The following IMMP2L variants were observed in gnomAD, a reference collection of about 807,000 sequenced individuals.
The protein encoded by IMMP2L is mitochondrial inner membrane protease subunit 2.
A neutral mutation model predicts 19.3 loss-of-function variants in IMMP2L; 18 were observed. The ratio of observed to expected loss-of-function variants is 0.93; its 90% CI spans 0.64 to 1.38. IMMP2L has a LOEUF of 1.38. IMMP2L is among the 40% of genes most tolerant of loss of function. The pLI is 0.00. For missense variants in IMMP2L, 233 were observed against 218.2 expected, an observed-to-expected ratio of 1.07 and a Z score of -0.43; for synonymous variants, 76 against 73.0, an observed-to-expected ratio of 1.04 and a Z score of -0.21.
At chr7:111,188,119 G>A (rs781040304) in intron 3 of IMMP2L, among the ~76,000 whole-genome samples, 2 of 152,044 alleles carry the variant, frequency 1.3e-5, no homozygotes, top group South Asian at 2.1e-4. Context: ...CCAGTCTACC[G>A]CTCCTGCTCC....
intron 3 of IMMP2L, among the ~76,000 whole-genome samples, chr7:111,421,706 C>T (rs1476015374): frequency 1.3e-5 from 2 of 151,728 alleles, no homozygotes; most frequent in Admixed American, 6.6e-5. Context: ...TTTTGCCATG[C>T]AGAAGCTCTT....
At chr7:111,333,158 T>G (rs938545696) in intron 3 of IMMP2L, among the ~76,000 whole-genome samples, 1 of 152,116 alleles carries the variant, frequency 6.6e-6, no homozygotes, top group African/African-American at 2.4e-5. Flanking sequence ...GAATGGGTAG[T>G]AGAAGAAGGT....
intron 1 of IMMP2L, among the ~76,000 whole-genome samples, chr7:111,553,265 G>T (rs777957827): frequency 7.9e-5 from 12 of 152,012 alleles, no homozygotes; most frequent in Admixed American, 2.0e-4. Flanking sequence ...TAGGCTTTAG[G>T]TTCAATTTGT....
intron 3 of IMMP2L, among the ~76,000 whole-genome samples, chr7:111,088,670 G>A (rs1796561105): frequency 6.6e-6 from 1 of 152,082 alleles, no homozygotes; most frequent in African/African-American, 2.4e-5. Flanking sequence ...ACTCACAATT[G>A]TATTAATTCA....
intron 3 of IMMP2L, among the ~76,000 whole-genome samples, chr7:111,279,474 G>A (rs763267760): frequency 6.6e-6 from 1 of 152,162 alleles, no homozygotes; most frequent in Non-Finnish European, 1.5e-5. Flanking sequence ...AGAAGACCAT[G>A]TGAAGACTGA....
intron 1 of IMMP2L, among the ~76,000 whole-genome samples, chr7:111,542,191 A>G (rs1330889733): frequency 6.6e-6 from 1 of 152,076 alleles, no homozygotes; most frequent in Non-Finnish European, 1.5e-5. Flanking sequence ...ATCAGTCAAT[A>G]TTACTCCTCC....
At chr7:110,922,017 T>A (rs2129550577) in intron 4 of IMMP2L, among the ~76,000 whole-genome samples, 1 of 152,338 alleles carries the variant, frequency 6.6e-6, no homozygotes, top group South Asian at 2.1e-4. Context: ...TAGATTTGGT[T>A]CATTAGCTAG....
chr7:110,927,226 C>T (rs764794413), intron 4 of IMMP2L, among the ~76,000 whole-genome samples: 12 of 151,938 alleles, frequency 7.9e-5, no homozygotes, highest in South Asian at 4.2e-4. Flanking sequence ...CTTTGGAGAC[C>T]TTACCCAACA....
At chr7:111,133,003 T>C (rs1801993213) in intron 3 of IMMP2L, among the ~76,000 whole-genome samples, 1 of 152,050 alleles carries the variant, frequency 6.6e-6, no homozygotes, top group South Asian at 2.1e-4. Flanking sequence ...AGCTTAGTTG[T>C]TGTTACTGTT....
chr7:111,560,541 A>C (rs1791918632), intron 1 of IMMP2L, among the ~76,000 whole-genome samples: 1 of 152,214 alleles, frequency 6.6e-6, no homozygotes. Context: ...TAAGTTTATT[A>C]CTGAAAGTAC....
intron 3 of IMMP2L, among the ~76,000 whole-genome samples, chr7:111,001,665 A>G (rs1823709240): frequency 6.6e-6 from 1 of 152,238 alleles, no homozygotes; most frequent in Admixed American, 6.5e-5. Context: ...CTTCACTGCT[A>G]AAACATGATT....
intron 3 of IMMP2L, among the ~76,000 whole-genome samples, chr7:111,339,979 A>G (rs1356052154): frequency 6.6e-6 from 1 of 152,028 alleles, no homozygotes; most frequent in Non-Finnish European, 1.5e-5. Flanking sequence ...GTTGTCAAAG[A>G]AATATCAATT....
At chr7:110,824,473 C>T (rs1438957290) in intron 5 of IMMP2L, among the ~76,000 whole-genome samples, 1 of 152,100 alleles carries the variant, frequency 6.6e-6, no homozygotes, top group East Asian at 1.9e-4. Flanking sequence ...CTCAAGAGAT[C>T]CTCCCATGTC....
chr7:111,451,504 T>C (rs540556516), intron 3 of IMMP2L, among the ~76,000 whole-genome samples: 39 of 135,408 alleles, frequency 2.9e-4, no homozygotes, highest in East Asian at 2.9e-3. Flanking sequence ...TAGGTGGGAA[T>C]TGAACAATGA....
intron 3 of IMMP2L, among the ~76,000 whole-genome samples, chr7:111,227,048 G>T (rs1218278284): frequency 6.6e-6 from 1 of 152,110 alleles, no homozygotes; most frequent in African/African-American, 2.4e-5. Context: ...CAATGGATAA[G>T]AGAAAGAATG....
intron 2 of IMMP2L, among the ~76,000 whole-genome samples, chr7:111,500,490 G>A (rs1221345270): frequency 1.3e-5 from 2 of 152,186 alleles, no homozygotes; most frequent in East Asian, 3.9e-4. Context: ...GGAGATCTGA[G>A]AAAGGGCAGA....
At chr7:111,495,272 T>A (rs1024495993) in intron 2 of IMMP2L, among the ~76,000 whole-genome samples, 2 of 152,284 alleles carry the variant, frequency 1.3e-5, no homozygotes, top group East Asian at 3.9e-4. Context: ...CTCAGTTGTA[T>A]CTCACAAATT....
intron 3 of IMMP2L, among the ~76,000 whole-genome samples, chr7:111,079,140 C>T (rs1374542816): frequency 4.1e-5 from 6 of 147,126 alleles, no homozygotes; most frequent in African/African-American, 7.6e-5. Context: ...TTTTTTGAGA[C>T]GGAGTCTCGC....
At chr7:111,320,338 C>A (rs576993758) in intron 3 of IMMP2L, among the ~76,000 whole-genome samples, 1 of 152,200 alleles carries the variant, frequency 6.6e-6, no homozygotes, top group South Asian at 2.1e-4. Flanking sequence ...TTCTTACAGT[C>A]CAAATTCTTG....
Sources: allele counts gnomAD v4.1 joint callset (sites outside exome capture counted in the v4.1 genomes callset), GRCh38; gene constraint gnomAD v4.1.1; transcripts MANE v1.5; gene names NCBI Gene and HGNC (gene_info 2026-07-23, HGNC 2026-07-21).